MTMR10: variants seen among roughly 807,000 people sequenced by gnomAD.
MTMR10 encodes myotubularin-related protein 10.
MTMR10 carries 56 observed loss-of-function variants against 88.1 expected under a neutral mutation model. The ratio of observed to expected loss-of-function variants is 0.64; its 90% CI spans 0.51 to 0.79. MTMR10 has a LOEUF of 0.79. MTMR10 is among the 30% of genes least tolerant of loss of function. MTMR10 has a pLI of 0.00. For synonymous variants in MTMR10, 380 were observed against 340.9 expected, an observed-to-expected ratio of 1.11 and a Z score of -1.26; for missense variants, 883 against 924.7, an observed-to-expected ratio of 0.95 and a Z score of 0.58.
the MTMR10 span, chr15:30,928,741 C>A: frequency 6.3e-7 from 1 of 1,591,718 alleles, no homozygotes; most frequent in Non-Finnish European, 8.6e-7. Context: ...TGTCCACAGC[C>A]AGCAGAAACC....
chr15:30,977,574 T>C (rs184598972), intron 2 of MTMR10, among the ~76,000 whole-genome samples: 1 of 152,192 alleles, frequency 6.6e-6, no homozygotes, highest in Admixed American at 6.5e-5. Context: ...AAGAATACTT[T>C]TCTACAATTT....
At chr15:30,944,165 C>T (rs761690551) in intron 14 of MTMR10, 4 of 263,668 alleles carry the variant, frequency 1.5e-5, no homozygotes, top group African/African-American at 6.9e-5. Context: ...CTTGAATCAT[C>T]AAGAAATGGC....
intron 5 of MTMR10, among the ~76,000 whole-genome samples, chr15:30,972,891 T>C (rs72710436): frequency 4.6e-5 from 7 of 152,296 alleles, no homozygotes; most frequent in Non-Finnish European, 1.0e-4. Flanking sequence ...AGAATTGAAC[T>C]TTCCGAAAGA....
the MTMR10 span, among the ~76,000 whole-genome samples, chr15:30,931,812 T>C: frequency 6.6e-6 from 1 of 152,208 alleles, no homozygotes; most frequent in Admixed American, 6.5e-5. Context: ...TAGCTTTAGA[T>C]ACATCTTGGA....
the MTMR10 span, among the ~76,000 whole-genome samples, chr15:30,933,401 C>G: frequency 2.0e-5 from 3 of 152,204 alleles, no homozygotes; most frequent in Non-Finnish European, 2.9e-5. Flanking sequence ...AGAAGTGAGT[C>G]ATTTACATTT....
intron 14 of MTMR10, chr15:30,946,541 G>C (rs1362963830): frequency 1.8e-6 from 1 of 565,108 alleles, no homozygotes; most frequent in Non-Finnish European, 3.1e-6. Flanking sequence ...TCCTAGAAAG[G>C]CTTCCTGAAG....
chr15:30,954,234 C>T (rs2063289986), intron 10 of MTMR10, among the ~76,000 whole-genome samples: 1 of 152,216 alleles, frequency 6.6e-6, no homozygotes, highest in Admixed American at 6.5e-5. Flanking sequence ...TGCAAGGCTG[C>T]CTTTGCTGAC....
intron 9 of MTMR10, among the ~76,000 whole-genome samples, chr15:30,955,543 T>A (rs552478412): frequency 2.0e-5 from 3 of 151,838 alleles, no homozygotes; most frequent in South Asian, 2.1e-4. Flanking sequence ...GTGCTGGGAT[T>A]ACAGGCGTGA....
At chr15:30,936,764 G>C (rs775363158), downstream of MTMR10, among the ~76,000 whole-genome samples, 7 of 152,200 alleles carry the variant, frequency 4.6e-5, no homozygotes, top group Non-Finnish European at 1.0e-4. Flanking sequence ...CAGTTGGGCA[G>C]ATCATGTAGT....
At chr15:30,977,984 G>A (rs1219548916) in intron 2 of MTMR10, among the ~76,000 whole-genome samples, 1 of 152,164 alleles carries the variant, frequency 6.6e-6, no homozygotes, top group Non-Finnish European at 1.5e-5. Flanking sequence ...TTGAAGACAA[G>A]CCTCCCTCTC....
chr15:30,933,290 T>C, the MTMR10 span, among the ~76,000 whole-genome samples: 3 of 152,334 alleles, frequency 2.0e-5, no homozygotes, highest in Non-Finnish European at 4.4e-5. Flanking sequence ...TCAGTGCTGC[T>C]TTATCTGAAC....
Position 30,943,550 on chromosome 15 carries a change from G to A in MTMR10, c.1549-478C>T, listed in dbSNP as rs533099929. ...CGTAAGTGGGGAGCTACACTTCACT[G>A]AGCCAGTGATCTCAAATCACAGACC... On this transcript the variant is annotated intron_variant, in intron 14 of 15. Transcript: ENST00000435680. 3.0e-5 allele frequency: 30 copies of A among 985,360 alleles called. No homozygotes were observed. The South Asian group carries it at 1.2e-3, about 39-fold the overall frequency. The allele number at this position is 985,360 out of a possible 1,614,324, so 61.0% of individuals were successfully genotyped here. A position where few individuals can be genotyped will look rare whatever the true frequency, so the allele number is the denominator to read the frequency against.
intron 10 of MTMR10, among the ~76,000 whole-genome samples, chr15:30,953,849 C>T (rs1001237530): frequency 6.6e-6 from 1 of 152,210 alleles, no homozygotes; most frequent in Non-Finnish European, 1.5e-5. Context: ...TCTTCTCTCT[C>T]GCTCTTTCAG....
rs775940263 is a variant in MTMR10, at chr15:30,958,906, C to A, written c.892G>T (p.Ala298Ser). ...HSNGSALVRM[A>S]LIKDVLQQRK... ...TGCTGCAGCACGTCTTTGATGAGGGCCATTCGCACAAGAGCACTGCCGTTA... is the reference window on the plus strand; with the variant it reads ...TGCTGCAGCACGTCTTTGATGAGGGACATTCGCACAAGAGCACTGCCGTTA... The change falls in exon 9 of 16, where the codon GCC becomes TCC. Residue 298 changes from alanine (A) to serine (S), a missense_variant. Ala to Ser is a moderately conservative substitution (Grantham distance 99). This residue lies in a region of MTMR10 where 414 missense variants were observed against 423.2 expected (regional missense o/e 0.98). Transcript: ENST00000435680. The A allele has an allele frequency of 1.9e-6, 3 of 1,613,802 alleles. No individual in the cohort carries two copies. The highest frequency in any genetic ancestry group is 2.5e-6 in the Non-Finnish European group (3 of 1,179,868).
At chr15:30,928,652 G>C in the MTMR10 span, 3 of 1,613,986 alleles carry the variant, frequency 1.9e-6, no homozygotes, top group Middle Eastern at 1.7e-4. Flanking sequence ...AGAAACGCCT[G>C]TCAGGTACTC....
At chr15:30,920,982 C>A in the MTMR10 span, among the ~76,000 whole-genome samples, 1 of 152,124 alleles carries the variant, frequency 6.6e-6, no homozygotes, top group East Asian at 1.9e-4. Context: ...TGAGATTTCA[C>A]CATGTTGCTC....
chr15:30,944,895 C>G (rs1278657549), intron 14 of MTMR10, among the ~76,000 whole-genome samples: 1 of 151,856 alleles, frequency 6.6e-6, no homozygotes, highest in African/African-American at 2.4e-5. Flanking sequence ...GCCTGCAGTC[C>G]TAGCTACTCA....
chr15:30,924,563 GTTTA>G, the MTMR10 span, among the ~76,000 whole-genome samples: 1 of 152,142 alleles, frequency 6.6e-6, no homozygotes, highest in African/African-American at 2.4e-5. Context: ...TTCTGTGTTT[GTTTA>G]TTTGTCTGAC....
At chr15:30,943,464 G>A in intron 14 of MTMR10, 1 of 985,376 alleles carries the variant, frequency 1.0e-6, no homozygotes, top group Non-Finnish European at 1.2e-6. Context: ...GTTACCTGTT[G>A]GTAAGTGGAT....
Sources: allele counts gnomAD v4.1 joint callset (sites outside exome capture counted in the v4.1 genomes callset), GRCh38; gene constraint gnomAD v4.1.1; regional missense constraint gnomAD v4.1.1; transcripts MANE v1.5; gene names NCBI Gene and HGNC (gene_info 2026-07-23, HGNC 2026-07-21).